COG7: variants seen among roughly 807,000 people sequenced by gnomAD.
COG7 encodes the protein component of oligomeric golgi complex 7.
In COG7, 49 loss-of-function variants were observed where a neutral mutation model predicts 91.5. The ratio of observed to expected loss-of-function variants is 0.54; its 90% CI spans 0.43 to 0.68. The LOEUF (loss-of-function observed/expected upper bound fraction) is 0.68. Among genes scored for constraint, COG7 ranks in the 30% least tolerant of loss-of-function variants. The pLI is 0.00. For synonymous variants in COG7, 365 were observed against 388.7 expected (o/e 0.94, Z 0.72); for missense variants, 895 against 961.3 (o/e 0.93, Z 0.91).
intron 10 of COG7, among the ~76,000 whole-genome samples, chr16:23,411,477 A>G (rs907961561): frequency 2.0e-5 from 3 of 152,232 alleles, no homozygotes; most frequent in African/African-American, 7.2e-5. Context: ...GTGATAAGGG[A>G]TACAGTTAGC....
At chr16:23,401,570 G>A (rs1047073007) in intron 13 of COG7, among the ~76,000 whole-genome samples, 2 of 152,222 alleles carry the variant, frequency 1.3e-5, no homozygotes, top group Non-Finnish European at 2.9e-5. Flanking sequence ...CTGCAGGTGA[G>A]GGAGGGGACA....
intron 6 of COG7, among the ~76,000 whole-genome samples, chr16:23,431,979 C>T (rs991080700): frequency 9.2e-5 from 14 of 151,538 alleles, no homozygotes; most frequent in Admixed American, 4.6e-4. Context: ...CTTATCTCTA[C>T]AAAAAAAATT....
rs1457386128 is a variant in COG7 at position 23,442,461 on chromosome 16, A to C, written c.604+16T>G. ...TAGAGAGATATACACAGAGATGAGA[A>C]GCAGCTAGCACTCACCTACAGCCTG... On this transcript the variant is annotated intron_variant, in intron 4 of 16. Coordinates refer to ENST00000307149, the MANE Select transcript of COG7 (RefSeq NM_153603.4). 6.2e-7 allele frequency: 1 copy of C among 1,612,858 alleles called. No homozygotes were observed.
intron 13 of COG7, among the ~76,000 whole-genome samples, chr16:23,400,698 G>A (rs770190876): frequency 1.3e-5 from 2 of 152,184 alleles, no homozygotes; most frequent in Non-Finnish European, 2.9e-5. Context: ...GGCTGGCTGC[G>A]GTGGCTCATG....
intron 11 of COG7, among the ~76,000 whole-genome samples, chr16:23,407,223 C>A (rs573612769): frequency 6.6e-6 from 1 of 152,344 alleles, no homozygotes; most frequent in East Asian, 1.9e-4. Flanking sequence ...ACATAAGCAG[C>A]TACCTGCCTC....
intron 1 of COG7, among the ~76,000 whole-genome samples, chr16:23,448,873 A>G (rs1266815437): frequency 6.6e-6 from 1 of 152,148 alleles, no homozygotes; most frequent in Non-Finnish European, 1.5e-5. Flanking sequence ...AACTGTGCCT[A>G]CCTCTAAGGA....
intron 5 of COG7, among the ~76,000 whole-genome samples, 182 bp downstream of exon 5, chr16:23,434,454 T>A (rs796728878): frequency 5.3e-5 from 8 of 152,318 alleles, no homozygotes; most frequent in African/African-American, 1.9e-4. Flanking sequence ...TTTTTCCAAC[T>A]GGCAATTAAA....
intron 13 of COG7, among the ~76,000 whole-genome samples, chr16:23,400,526 T>G (rs1963357534): frequency 6.6e-6 from 1 of 152,092 alleles, no homozygotes; most frequent in African/African-American, 2.4e-5. Flanking sequence ...GACTGCAGCC[T>G]GGAGGCCCCA....
At chr16:23,433,440 T>C in intron 6 of COG7, 105 bp downstream of exon 6, 1 of 1,453,614 alleles carries the variant, frequency 6.9e-7, no homozygotes, top group Non-Finnish European at 9.6e-7. Context: ...ACGGGGAAGT[T>C]CTTTGAGCTG....
intron 3 of COG7, 106 bp from the exon 4 acceptor site, chr16:23,442,751 G>A (rs1964121873): frequency 1.9e-6 from 2 of 1,027,886 alleles, no homozygotes; most frequent in Admixed American, 3.5e-5. Context: ...ATGAAAATGG[G>A]GCTGGGCATC....
At chr16:23,389,684 T>C (rs1361402615) in intron 16 of COG7, among the ~76,000 whole-genome samples, 2 of 152,194 alleles carry the variant, frequency 1.3e-5, no homozygotes, top group Non-Finnish European at 2.9e-5. Context: ...GGACAGTGTC[T>C]GGGGTGGGAC....
intron 6 of COG7, among the ~76,000 whole-genome samples, chr16:23,427,665 G>A (rs552961752): frequency 2.4e-4 from 37 of 152,160 alleles, no homozygotes; most frequent in Middle Eastern, 3.4e-3. Context: ...CTGTGTTCCC[G>A]TCAGTAACAT....
chr16:23,449,380 T>TAAAA (rs1964229729), intron 1 of COG7, among the ~76,000 whole-genome samples: 55 of 134,712 alleles, frequency 4.1e-4, no homozygotes, highest in African/African-American at 1.3e-3. Flanking sequence ...TAAAATTAAA[T>TAAAA]TAAAATAAAA....
intron 13 of COG7, 62 bp downstream of exon 13, chr16:23,403,632 T>A: frequency 1.3e-6 from 2 of 1,599,962 alleles, no homozygotes; most frequent in South Asian, 2.2e-5. Flanking sequence ...AAGCCCACAC[T>A]CAGTATGCTT....
At chr16:23,408,699 T>G (rs1295255031) in intron 11 of COG7, among the ~76,000 whole-genome samples, 1 of 151,600 alleles carries the variant, frequency 6.6e-6, no homozygotes, top group Non-Finnish European at 1.5e-5. Flanking sequence ...CTTTCGGGAG[T>G]GAATAAAACC....
At chr16:23,392,259 C>T in intron 16 of COG7, 121 bp downstream of exon 16, 1 of 1,542,116 alleles carries the variant, frequency 6.5e-7, no homozygotes, top group African/African-American at 1.4e-5. Context: ...AGCTTCAGAG[C>T]CAAATCCACA....
At chr16:23,421,869 AAG>A in intron 7 of COG7, among the ~76,000 whole-genome samples, 1 of 151,806 alleles carries the variant, frequency 6.6e-6, no homozygotes, top group Non-Finnish European at 1.5e-5. Context: ...AAAAAAAAAA[AAG>A]AACAAAATGT....
chr16:23,391,904 T>A, intron 16 of COG7: 2 of 757,908 alleles, frequency 2.6e-6, no homozygotes, highest in Non-Finnish European at 3.4e-6. Context: ...ATGGCCTTGT[T>A]ATGGAACTGC....
At chr16:23,440,753 G>A (rs765640685) in intron 4 of COG7, among the ~76,000 whole-genome samples, 17 of 151,926 alleles carry the variant, frequency 1.1e-4, no homozygotes, top group Non-Finnish European at 1.5e-4. Context: ...CACTGCACCC[G>A]GCCGAGAACA....
Sources: allele counts gnomAD v4.1 joint callset (sites outside exome capture counted in the v4.1 genomes callset), GRCh38; gene constraint gnomAD v4.1.1; transcripts MANE v1.5; gene names NCBI Gene and HGNC (gene_info 2026-07-23, HGNC 2026-07-21).